The following FMN1 variants were observed in gnomAD, a reference collection of about 807,000 sequenced individuals.
FMN1 encodes formin-1.
In FMN1, 110 loss-of-function variants were observed where a neutral mutation model predicts 132.4. That is an observed-to-expected ratio of 0.83 (90% CI 0.71 to 0.97). The LOEUF is 0.97. Ranked by LOEUF, FMN1 falls within the 50% of genes least tolerant of loss-of-function variation. The pLI is 0.00. For synonymous variants in FMN1, 722 were observed against 651.7 expected (o/e 1.11, Z -1.64); for missense variants, 1,792 against 1,705.3 (o/e 1.05, Z -0.90).
At chr15:33,104,097 G>GA (rs1252361487) in intron 4 of FMN1, among the ~76,000 whole-genome samples, 3 of 152,014 alleles carry the variant, frequency 2.0e-5, no homozygotes, top group African/African-American at 4.8e-5. Flanking sequence ...TTTGTCAGCT[G>GA]AAAAAAACTT....
intron 6 of FMN1, among the ~76,000 whole-genome samples, chr15:33,030,153 G>A (rs562414439): frequency 2.6e-5 from 4 of 152,218 alleles, no homozygotes; most frequent in South Asian, 2.1e-4. Flanking sequence ...GCAAGACTCC[G>A]TCTCAAAAAT....
At chr15:32,988,923 G>A (rs983960493) in intron 7 of FMN1, among the ~76,000 whole-genome samples, 1 of 152,148 alleles carries the variant, frequency 6.6e-6, no homozygotes, top group African/African-American at 2.4e-5. Context: ...AAATCATCAT[G>A]CAAATGTTGT....
chr15:32,923,990 A>G (rs2060895863), intron 10 of FMN1, among the ~76,000 whole-genome samples: 1 of 152,204 alleles, frequency 6.6e-6, no homozygotes, highest in Non-Finnish European at 1.5e-5. Flanking sequence ...AAGAATCCCT[A>G]ACTTCAATAA....
chr15:32,878,500 GAATT>G (rs1361194706), intron 16 of FMN1, among the ~76,000 whole-genome samples: 2 of 152,170 alleles, frequency 1.3e-5, no homozygotes, highest in Non-Finnish European at 2.9e-5. Flanking sequence ...GGAGAGCAAT[GAATT>G]GATTCCAGAC....
At chr15:32,823,177 T>TTC (rs2058274911) in intron 17 of FMN1, among the ~76,000 whole-genome samples, 1 of 144,112 alleles carries the variant, frequency 6.9e-6, no homozygotes, top group African/African-American at 2.6e-5. Flanking sequence ...TTTTTTTTTT[T>TTC]TTGAGACAGA....
chr15:33,069,403 C>G (rs767652361), intron 5 of FMN1, among the ~76,000 whole-genome samples: 2 of 152,208 alleles, frequency 1.3e-5, no homozygotes, highest in Non-Finnish European at 2.9e-5. Context: ...GCAAGTCAAA[C>G]TGGCTGAACA....
rs185470622 is a variant in FMN1 at position 32,960,406 on chromosome 15, G to C, written c.3138+3701C>G. Among the ~76,000 whole-genome samples the C allele has an allele frequency of 9.3e-4, 142 of 152,082 alleles. 1 individual carries two copies. Among genetic ancestry groups the C allele is most frequent in the Admixed American group, 5.4e-3 (83 of 15,266 alleles). On this transcript the variant is annotated intron_variant, in intron 9 of 20. Transcript: ENST00000616417. ...ACAATTTGACATGATATTTGGGTGG[G>C]GTCACAGAGCCAATTTATTAGAAAA...
intron 4 of FMN1, among the ~76,000 whole-genome samples, chr15:33,094,482 TGCAGC>T (rs971393603): frequency 2.0e-5 from 3 of 152,214 alleles, no homozygotes; most frequent in African/African-American, 7.2e-5. Flanking sequence ...TGCACTGCAG[TGCAGC>T]AGATCCTAAA....
intron 6 of FMN1, among the ~76,000 whole-genome samples, chr15:33,059,275 T>C (rs151337792): frequency 7.6e-4 from 115 of 152,256 alleles, no homozygotes; most frequent in African/African-American, 2.7e-3. Context: ...TATAACATAG[T>C]TTATTTATCC....
At chr15:32,897,833 C>A (rs2060197240) in intron 15 of FMN1, among the ~76,000 whole-genome samples, 1 of 151,620 alleles carries the variant, frequency 6.6e-6, no homozygotes, top group African/African-American at 2.4e-5. Flanking sequence ...GGCAGGAAAA[C>A]AAAACAAAAA....
At chr15:33,147,290 C>T (rs1964265984) in intron 4 of FMN1, among the ~76,000 whole-genome samples, 1 of 152,044 alleles carries the variant, frequency 6.6e-6, no homozygotes, top group Admixed American at 6.5e-5. Flanking sequence ...TTTCTCATGT[C>T]CCAACCAATA....
intron 6 of FMN1, among the ~76,000 whole-genome samples, chr15:33,027,527 G>C (rs2035737081): frequency 6.6e-6 from 1 of 152,190 alleles, no homozygotes; most frequent in African/African-American, 2.4e-5. Context: ...GAGCCAACTA[G>C]AATCACGGAC....
At position 33,055,488 on chromosome 15, in the gene FMN1, T is replaced by G. The variant is rs553510588; in HGVS notation, c.2161+9469A>C. On this transcript the variant is annotated intron_variant, in intron 6 of 20. Coordinates refer to ENST00000616417, the MANE Select transcript of FMN1 (RefSeq NM_001277313.2). ...AGACAGTGTGAAACTGGTACAAGGCTAGACAAAGCTACAGAACAGTGGAAC... is the reference window on the plus strand; with the variant it reads ...AGACAGTGTGAAACTGGTACAAGGCGAGACAAAGCTACAGAACAGTGGAAC... Among the ~76,000 whole-genome samples the G allele has an allele frequency of 5.6e-4, 86 of 152,226 alleles. 1 individual carries two copies. The highest frequency in any genetic ancestry group is 3.3e-3 in the Admixed American group (51 of 15,280).
In FMN1 at chr15:33,152,788, CA is replaced by C. The variant is rs367698101; in HGVS notation, c.1867+259del. 4.1e-3 allele frequency among the ~76,000 whole-genome samples: 268 copies of C among 65,940 alleles called. 10 individuals carry two copies. Among genetic ancestry groups the C allele is most frequent in the African/African-American group, 0.018 (259 of 14,538 alleles). The allele number at this position is 65,940 out of a possible 152,430, so 43.3% of individuals were successfully genotyped here. A position where few individuals can be genotyped will look rare whatever the true frequency, so the allele number is the denominator to read the frequency against. On this transcript the variant is annotated intron_variant, in intron 4 of 20. Transcript: ENST00000616417. ...CCACAGAAGTAACTTTAGAGGATGC[CA>C]AAAAAAAAAAAAAAGAAAGAAATAA... is the stretch of plus-strand genomic sequence containing the variant.
chr15:33,039,021 C>G (rs576596602), intron 6 of FMN1, among the ~76,000 whole-genome samples: 1 of 152,156 alleles, frequency 6.6e-6, no homozygotes, highest in East Asian at 1.9e-4. Context: ...AACAGGCTCC[C>G]CAGATTATTT....
At position 32,957,308 on chromosome 15, in the gene FMN1, T is replaced by TTTTG. The variant is rs1451815886; in HGVS notation, c.3138+6798_3138+6799insCAAA. ...TTTATCAGAGCAGTTCTTTTTTTTT[T>TTTTG]TTTTTTTTTTTTTTTTTACAGGAAC... On this transcript the variant is annotated intron_variant, in intron 9 of 20. Coordinates refer to ENST00000616417, the MANE Select transcript of FMN1 (RefSeq NM_001277313.2). Among the ~76,000 whole-genome samples the TTTTG allele has an allele frequency of 4.9e-3, 707 of 144,394 alleles. 33 individuals are homozygous for TTTTG. In the East Asian group the frequency reaches 0.096, roughly 20 times the overall value. The allele number at this position is 144,394 out of a possible 152,430, so 94.7% of individuals were successfully genotyped here.
intron 16 of FMN1, among the ~76,000 whole-genome samples, chr15:32,876,342 G>C (rs1278846381): frequency 1.3e-5 from 2 of 152,164 alleles, no homozygotes; most frequent in Non-Finnish European, 2.9e-5. Flanking sequence ...TGTAGGTATA[G>C]AAGGCCAGGG....
chr15:32,855,847 T>C (rs1412263910), intron 17 of FMN1, among the ~76,000 whole-genome samples: 1 of 152,260 alleles, frequency 6.6e-6, no homozygotes, highest in Non-Finnish European at 1.5e-5. Context: ...AATGCATTTT[T>C]TGATAAGTCA....
chr15:33,019,486 C>T (rs577168844), intron 6 of FMN1, among the ~76,000 whole-genome samples: 2 of 152,240 alleles, frequency 1.3e-5, no homozygotes, highest in Non-Finnish European at 2.9e-5. Flanking sequence ...CCGTGCGACT[C>T]CTCAGCCCTT....
Sources: allele counts gnomAD v4.1 joint callset (sites outside exome capture counted in the v4.1 genomes callset), GRCh38; gene constraint gnomAD v4.1.1; transcripts MANE v1.5; gene names NCBI Gene and HGNC (gene_info 2026-07-23, HGNC 2026-07-21).